The following VWC2 variants were observed in gnomAD, a reference collection of about 807,000 sequenced individuals.
VWC2 encodes the protein brorin.
Under a neutral mutation model 29.8 loss-of-function variants are expected in VWC2, and 14 were observed. That is an observed-to-expected ratio of 0.47 (90% CI 0.31 to 0.74). The LOEUF is 0.74. Ranked by LOEUF, VWC2 falls within the 30% of genes least tolerant of loss-of-function variation. The pLI, the probability that VWC2 is intolerant of heterozygous loss-of-function variation, is 0.05. For missense variants in VWC2, 457 were observed against 459.8 expected (o/e 0.99, Z 0.05); for synonymous variants, 213 against 199.0 (o/e 1.07, Z -0.59).
At chr7:49,910,593 C>A (rs1490197791) in intron 3 of VWC2, among the ~76,000 whole-genome samples, 1 of 95,366 alleles carries the variant, frequency 1.0e-5, no homozygotes, top group Non-Finnish European at 2.2e-5. Flanking sequence ...TAACACAAAG[C>A]CATTAATCTT....
chr7:49,840,586 ATAAG>A (rs910603637), intron 3 of VWC2, among the ~76,000 whole-genome samples: 4 of 152,172 alleles, frequency 2.6e-5, no homozygotes, highest in African/African-American at 9.7e-5. Flanking sequence ...TCTCAAATAA[ATAAG>A]TCTTTGTTAA....
intron 3 of VWC2, among the ~76,000 whole-genome samples, chr7:49,871,804 A>C (rs537478135): frequency 6.6e-6 from 1 of 151,516 alleles, no homozygotes; most frequent in South Asian, 2.1e-4. Context: ...ATTACATTTA[A>C]GGGAAATTAT....
chr7:49,819,942 T>C (rs1342530465), intron 3 of VWC2, among the ~76,000 whole-genome samples: 3 of 152,308 alleles, frequency 2.0e-5, no homozygotes, highest in Non-Finnish European at 4.4e-5. Context: ...CTGTATCTGC[T>C]TCTTCTTAAT....
chr7:49,796,379 T>G (rs979598018), intron 2 of VWC2, among the ~76,000 whole-genome samples: 1 of 152,198 alleles, frequency 6.6e-6, no homozygotes, highest in Non-Finnish European at 1.5e-5. Flanking sequence ...CGAAAGCCAG[T>G]GCACTTTGCA....
At chr7:49,870,769 G>A (rs747148083) in intron 3 of VWC2, among the ~76,000 whole-genome samples, 23 of 152,316 alleles carry the variant, frequency 1.5e-4, no homozygotes, top group Non-Finnish European at 2.5e-4. Flanking sequence ...GCATGATAAT[G>A]CATGATTGGA....
intron 3 of VWC2, among the ~76,000 whole-genome samples, chr7:49,810,947 T>G (rs1188832625): frequency 2.0e-5 from 3 of 152,170 alleles, no homozygotes; most frequent in African/African-American, 7.2e-5. Flanking sequence ...TCTTTATGAC[T>G]ATAGGTTGTG....
chr7:49,802,876 C>A (rs1450751734), intron 3 of VWC2, 36 bp downstream of exon 3: 1 of 1,613,454 alleles, frequency 6.2e-7, no homozygotes, highest in South Asian at 1.1e-5. Flanking sequence ...GGGTGCACCT[C>A]CCACCCTGAT....
intron 3 of VWC2, among the ~76,000 whole-genome samples, chr7:49,825,994 T>C (rs1789381966): frequency 6.6e-6 from 1 of 152,140 alleles, no homozygotes; most frequent in Non-Finnish European, 1.5e-5. Context: ...AATCTGACTC[T>C]GTCCTTGAGG....
intron 3 of VWC2, among the ~76,000 whole-genome samples, chr7:49,911,069 T>G (rs1368205213): frequency 6.6e-6 from 1 of 152,206 alleles, no homozygotes; most frequent in Non-Finnish European, 1.5e-5. Context: ...AGAGGACTGG[T>G]TCTTTGAAGG....
rs1254244342 is a variant in VWC2, at chr7:49,915,682, GA to G, written c.*3501del. 6.6e-6 allele frequency: 1 copy of G among 151,998 alleles called. No homozygotes were observed. The highest frequency in any genetic ancestry group is 1.5e-5 in the Non-Finnish European group (1 of 67,984). 9.4% of individuals were successfully genotyped at this position (151,998 alleles called of 1,614,324 possible). On this transcript the variant is annotated 3_prime_UTR_variant, in exon 4 of 4. Transcript: ENST00000340652. ...TAAATGTGGACTATTTAAACATGTA[GA>G]AAACAAAATTATAGACATAAACTAT... is the stretch of plus-strand genomic sequence containing the variant.
chr7:49,899,192 T>C (rs1792571724), intron 3 of VWC2, among the ~76,000 whole-genome samples: 2 of 152,038 alleles, frequency 1.3e-5, no homozygotes, highest in South Asian at 4.1e-4. Context: ...TTGAACCCTA[T>C]ACATACTATG....
chr7:49,800,099 A>C (rs770861640), intron 2 of VWC2, among the ~76,000 whole-genome samples: 1 of 152,252 alleles, frequency 6.6e-6, no homozygotes, highest in Non-Finnish European at 1.5e-5. Context: ...ACCTTTGAGA[A>C]AATAGCATGC....
At chr7:49,842,112 C>A (rs1789808197) in intron 3 of VWC2, among the ~76,000 whole-genome samples, 1 of 152,150 alleles carries the variant, frequency 6.6e-6, no homozygotes, top group South Asian at 2.1e-4. Context: ...AGGTGATCCA[C>A]CCTCCTCAAC....
At chr7:49,911,211 C>T (rs561127416) in intron 3 of VWC2, among the ~76,000 whole-genome samples, 4 of 152,118 alleles carry the variant, frequency 2.6e-5, no homozygotes, top group South Asian at 2.1e-4. Flanking sequence ...GGGCTGGGAG[C>T]GGTGGCTTAC....
chr7:49,826,928 C>T (rs754582837), intron 3 of VWC2, among the ~76,000 whole-genome samples: 28 of 151,910 alleles, frequency 1.8e-4, no homozygotes, highest in East Asian at 3.9e-4. Flanking sequence ...TATATGAATT[C>T]GGTGTATTTT....
At chr7:49,837,170 G>A (rs998134260) in intron 3 of VWC2, among the ~76,000 whole-genome samples, 1 of 152,170 alleles carries the variant, frequency 6.6e-6, no homozygotes, top group South Asian at 2.1e-4. Context: ...GAGATGTGCA[G>A]ACTTTAAATT....
intron 2 of VWC2, among the ~76,000 whole-genome samples, chr7:49,798,387 G>A (rs775950477): frequency 2.0e-5 from 3 of 152,270 alleles, no homozygotes; most frequent in Non-Finnish European, 4.4e-5. Flanking sequence ...CAGAATGCCA[G>A]ATTGGCCCTG....
chr7:49,891,422 G>A (rs964028518), intron 3 of VWC2, among the ~76,000 whole-genome samples: 1 of 152,108 alleles, frequency 6.6e-6, no homozygotes, highest in Non-Finnish European at 1.5e-5. Context: ...TCAGACAAAG[G>A]ACTTTTGCAG....
At chr7:49,909,945 A>AT (rs553828119) in intron 3 of VWC2, among the ~76,000 whole-genome samples, 32 of 147,970 alleles carry the variant, frequency 2.2e-4, no homozygotes, top group East Asian at 5.9e-4. Flanking sequence ...ATCTCCAAAG[A>AT]TTTTTTTTTT....
Sources: gnomAD v4.1 joint callset for allele counts (sites outside exome capture counted in the v4.1 genomes callset) on GRCh38, gnomAD v4.1.1 for gene constraint, MANE v1.5 for transcripts, NCBI Gene and HGNC (gene_info 2026-07-23, HGNC 2026-07-21) for gene names.